The following COPE variants were observed in gnomAD, a reference collection of about 807,000 sequenced individuals.
COPE encodes the protein coatomer subunit epsilon.
A neutral mutation model predicts 42.1 loss-of-function variants in COPE; 19 were observed. The ratio of observed to expected loss-of-function variants is 0.45; its 90% confidence interval spans 0.31 to 0.66. COPE has a LOEUF of 0.66. Among genes scored for constraint, COPE ranks in the 30% least tolerant of loss-of-function variants. COPE has a pLI of 0.05. For missense variants in COPE, 402 were observed against 416.1 expected (o/e 0.97, Z 0.30); for synonymous variants, 195 against 181.3 (o/e 1.08, Z -0.60).
At position 18,914,840 on chromosome 19, in the gene COPE, T is replaced by C. The variant is rs555431401; in HGVS notation, c.127-1794A>G. The stretch of plus-strand genomic sequence containing the variant: ...GCGTGTATCTCGGCTCACTACAACC[T>C]CTGCCGCCTGGGTTCAAGAGATTTT... On this transcript the variant is annotated intron_variant, in intron 1 of 9. Transcript: ENST00000262812. Among the ~76,000 whole-genome samples the C allele has an allele frequency of 3.0e-4, 42 of 139,622 alleles. No homozygotes were observed. The South Asian group carries it at 6.8e-3, about 23-fold the overall frequency. 91.6% of individuals were successfully genotyped at this position (139,622 alleles called of 152,430 possible).
At chr19:18,907,805 C>T (rs73003087) in intron 3 of COPE, among the ~76,000 whole-genome samples, 28,422 of 152,204 alleles carry the variant, frequency 0.19, 3,527 homozygotes, top group African/African-American at 0.35. Flanking sequence ...TGGGTTCAAA[C>T]GTGGCTCTGT....
At chr19:18,917,550 G>C (rs2056865225) in intron 1 of COPE, among the ~76,000 whole-genome samples, 1 of 151,678 alleles carries the variant, frequency 6.6e-6, no homozygotes, top group East Asian at 1.9e-4. Flanking sequence ...GTATTTTTTA[G>C]TAGAGACGGG....
chr19:18,919,044 G>C (rs2056886127), intron 1 of COPE, among the ~76,000 whole-genome samples, 179 bp downstream of exon 1: 1 of 152,266 alleles, frequency 6.6e-6, no homozygotes, highest in Non-Finnish European at 1.5e-5. Flanking sequence ...ACCGTAAACT[G>C]TTACTGCTCT....
chr19:18,918,998 C>T (rs1254889577), intron 1 of COPE, among the ~76,000 whole-genome samples: 1 of 152,270 alleles, frequency 6.6e-6, no homozygotes, highest in Non-Finnish European at 1.5e-5. Flanking sequence ...AAAACACTTT[C>T]AAGGGCGCAG....
At chr19:18,917,588 C>G (rs1156898289) in intron 1 of COPE, among the ~76,000 whole-genome samples, 1 of 151,842 alleles carries the variant, frequency 6.6e-6, no homozygotes, top group Non-Finnish European at 1.5e-5. Flanking sequence ...AGGCTGGTCT[C>G]GAACTCCTGA....
At chr19:18,913,333 C>T (rs902995277) in intron 1 of COPE, among the ~76,000 whole-genome samples, 15 of 152,228 alleles carry the variant, frequency 9.9e-5, no homozygotes, top group Admixed American at 5.2e-4. Context: ...GGGTGGCACC[C>T]GCACCTCTAA....
At position 18,903,271 on chromosome 19, in the gene COPE, G is replaced by A. The variant is rs777297186; in HGVS notation, c.732C>T (p.Asp244=). 6.3e-7 allele frequency: 1 copy of A among 1,590,564 alleles called. No individual in the cohort carries two copies. The highest frequency in any genetic ancestry group is 1.8e-5 in the Admixed American group (1 of 56,818). The change falls in exon 7 of 10, where the codon GAC becomes GAT. Residue 244 remains aspartate, a synonymous_variant. Transcript: ENST00000262812. ...TCTGGGACAGGCTTGTGCCTACCTT[G>A]TCTAGCGCCTCCTGCAGCAGGCCCT... ...AAEGLLQEAL[D]KDSGYPETLV...
intron 4 of COPE, 120 bp from the exon 5 acceptor site, chr19:18,905,749 C>T: frequency 2.1e-6 from 2 of 940,176 alleles, no homozygotes; most frequent in African/African-American, 1.7e-5. Context: ...TTAGGACCAC[C>T]AGCCCCGCCC....
intron 3 of COPE, among the ~76,000 whole-genome samples, chr19:18,907,525 G>A (rs2056772091): frequency 6.6e-6 from 1 of 152,168 alleles, no homozygotes. Flanking sequence ...AAGGATGGGA[G>A]CCCTGGGGCA....
At position 18,905,566 on chromosome 19, in the gene COPE, GAGGGCTCA is replaced by G; in HGVS notation, c.497+2_497+9del. On this transcript the variant is annotated splice_donor_variant and splice_donor_5th_base_variant and intron_variant, in intron 5 of 9. Coordinates refer to ENST00000262812, the MANE Select transcript of COPE (RefSeq NM_007263.4). LOFTEE classifies it high-confidence loss of function. ...GCTCAGTGCGGGTGGAGAGGGGCAG[GAGGGCTCA>G]CCGGGCGAGGTCCAGGCGGTCCAGC... 2 of 1,585,964 alleles carry G rather than the reference GAGGGCTCA, an allele frequency of 1.3e-6. No homozygotes were observed. The highest frequency in any genetic ancestry group is 1.7e-6 in the Non-Finnish European group (2 of 1,174,342).
At chr19:18,905,856 G>A (rs963921637) in intron 4 of COPE, 22 of 554,166 alleles carry the variant, frequency 4.0e-5, no homozygotes, top group Admixed American at 3.3e-4. Flanking sequence ...TTCAGGCCCC[G>A]GCCCACTCAC....
chr19:18,911,062 C>T lies in COPE; in HGVS notation c.199G>A (p.Gly67Ser), dbSNP rs142707094. The change falls in exon 3 of 10, where the codon GGT becomes AGT. Residue 67 changes from glycine (G) to serine (S), a missense_variant. Coordinates refer to ENST00000262812, the MANE Select transcript of COPE (RefSeq NM_007263.4). ...GGCTTGATCTCATCCAGGACCACAC[C>T]GAACTTCCTCTGCAGTAGGGACGAG... The part of the protein sequence containing the change: ...YRAYLAQRKF[G>S]VVLDEIKPSS... 1.1e-5 allele frequency: 18 copies of T among 1,613,950 alleles called. No homozygotes were observed. Among genetic ancestry groups the T allele is most frequent in the African/African-American group, 2.7e-5 (2 of 75,028 alleles).
intron 9 of COPE, 44 bp downstream of exon 9, chr19:18,899,828 GC>G: frequency 6.2e-7 from 1 of 1,609,676 alleles, no homozygotes; most frequent in Non-Finnish European, 8.5e-7. Flanking sequence ...AGCTCCAGGC[GC>G]CCCCTGGCCT....
chr19:18,912,990 C>A lies in COPE; in HGVS notation c.183G>T (p.Leu61=), dbSNP rs768353462. The change falls in exon 2 of 10, where the codon CTG becomes CTT. Residue 61 remains leucine (L), a synonymous_variant. Coordinates refer to ENST00000262812, the MANE Select transcript of COPE (RefSeq NM_007263.4). The part of the protein sequence containing the change: ...ERDVFLYRAY[L]AQRKFGVVLD... ...GGCCAAGGCCCGCACTCACCTGCGC[C>A]AGGTACGCTCTATACAGGAAGACGT... is the stretch of plus-strand genomic sequence containing the variant. 2.5e-6 allele frequency: 4 copies of A among 1,612,008 alleles called. No homozygotes were observed. The highest frequency in any genetic ancestry group is 3.4e-6 in the Non-Finnish European group (4 of 1,179,906).
chr19:18,916,440 G>T (rs2056854649), intron 1 of COPE, among the ~76,000 whole-genome samples: 1 of 151,434 alleles, frequency 6.6e-6, no homozygotes. Context: ...GATCACTTGA[G>T]GTCAAGAGTT....
rs749395912 is a variant in COPE, at chr19:18,914,755, C to CTT, written c.127-1711_127-1710dup. ...TAGGCAACATAGCAAAAAGCATAGT[C>CTT]TTTTTTTTTTTTTTTTTTTTGATGG... On this transcript the variant is annotated intron_variant, in intron 1 of 9. Coordinates refer to ENST00000262812, the MANE Select transcript of COPE (RefSeq NM_007263.4). 4.0e-4 allele frequency among the ~76,000 whole-genome samples: 49 copies of CTT among 121,866 alleles called. 1 individual carries two copies. Among genetic ancestry groups the CTT allele is most frequent in the East Asian group, 1.0e-3 (4 of 3,980 alleles). 79.9% of individuals were successfully genotyped at this position (121,866 alleles called of 152,430 possible).
At chr19:18,899,800 G>GC in intron 9 of COPE, 73 bp downstream of exon 9, 1 of 1,607,666 alleles carries the variant, frequency 6.2e-7, no homozygotes. Flanking sequence ...GAGAGAGGGC[G>GC]CATGTGAGCC....
At chr19:18,908,160 T>C (rs1311090943) in intron 3 of COPE, among the ~76,000 whole-genome samples, 1 of 152,192 alleles carries the variant, frequency 6.6e-6, no homozygotes, top group Non-Finnish European at 1.5e-5. Context: ...GGCCGGGTAC[T>C]GTGGCTCACA....
At chr19:18,915,277 C>T (rs1311953925) in intron 1 of COPE, among the ~76,000 whole-genome samples, 1 of 152,164 alleles carries the variant, frequency 6.6e-6, no homozygotes, top group Non-Finnish European at 1.5e-5. Flanking sequence ...CACAGTGGGG[C>T]GCCATCGGGG....
Sources: allele counts gnomAD v4.1 joint callset (sites outside exome capture counted in the v4.1 genomes callset), GRCh38; gene constraint gnomAD v4.1.1; transcripts MANE v1.5; gene names NCBI Gene and HGNC (gene_info 2026-07-23, HGNC 2026-07-21).